Variants in GRM8 observed in about 807,000 individuals in gnomAD.
GRM8 encodes the protein metabotropic glutamate receptor 8.
Under a neutral mutation model 87.2 loss-of-function variants are expected in GRM8, and 47 were observed. That is an observed-to-expected ratio of 0.54 (90% CI 0.43 to 0.69). The LOEUF is 0.69. Ranked by LOEUF, GRM8 falls within the 30% of genes least tolerant of loss-of-function variation. The pLI, the probability that GRM8 is intolerant of heterozygous loss-of-function variation, is 0.00. For synonymous variants in GRM8, 396 were observed against 404.5 expected, an observed-to-expected ratio of 0.98 and a Z score of 0.25; for missense variants, 1,019 against 1,139.2, an observed-to-expected ratio of 0.89 and a Z score of 1.52.
At chr7:127,057,726 T>G (rs1349011320) in intron 3 of GRM8, among the ~76,000 whole-genome samples, 1 of 152,016 alleles carries the variant, frequency 6.6e-6, no homozygotes, top group Non-Finnish European at 1.5e-5. Flanking sequence ...AAATAATTTT[T>G]AACAAATATG....
intron 7 of GRM8, among the ~76,000 whole-genome samples, chr7:126,719,621 A>G (rs1812151571): frequency 6.6e-6 from 1 of 152,176 alleles, no homozygotes; most frequent in Admixed American, 6.5e-5. Flanking sequence ...GACACCTTAC[A>G]GAGGTGTATT....
At chr7:127,157,388 C>A (rs557552160) in intron 2 of GRM8, among the ~76,000 whole-genome samples, 4 of 151,960 alleles carry the variant, frequency 2.6e-5, no homozygotes, top group African/African-American at 9.7e-5. Flanking sequence ...ATCACTTTGG[C>A]AATCTGGTGA....
In GRM8 at chr7:127,084,368, T is replaced by TA. The variant is rs1038781496; in HGVS notation, c.727+22127dup. On this transcript the variant is annotated intron_variant, in intron 3 of 10. Coordinates refer to ENST00000339582, the MANE Select transcript of GRM8 (RefSeq NM_000845.3). Reference sequence around the variant, plus strand: ...AGTTGGAATATTTTAAGAAAATAAGTAAAAATGTAGTCCTCTTGCTATCTC... The same window carrying TA: ...AGTTGGAATATTTTAAGAAAATAAGTAAAAAATGTAGTCCTCTTGCTATCTC... The TA allele has an allele frequency of 3.5e-4, 53 of 152,236 alleles. 1 individual carries two copies. The highest frequency in any genetic ancestry group is 1.3e-3 in the African/African-American group (52 of 41,548). The allele number at this position is 152,236 out of a possible 1,614,324, so 9.4% of individuals were successfully genotyped here.
intron 6 of GRM8, among the ~76,000 whole-genome samples, chr7:126,840,710 GTA>G: frequency 6.6e-6 from 1 of 152,056 alleles, no homozygotes; most frequent in East Asian, 1.9e-4. Flanking sequence ...AATGAACTTT[GTA>G]TAAGTTTCTA....
intron 3 of GRM8, among the ~76,000 whole-genome samples, chr7:127,039,430 T>C (rs1200279468): frequency 6.6e-6 from 1 of 152,052 alleles, no homozygotes; most frequent in African/African-American, 2.4e-5. Flanking sequence ...CTCAGGCTTT[T>C]AACATCCAGA....
chr7:126,644,618 T>TATACAGAA (rs1405528802), intron 7 of GRM8, among the ~76,000 whole-genome samples: 2 of 152,212 alleles, frequency 1.3e-5, no homozygotes, highest in African/African-American at 4.8e-5. Flanking sequence ...TCTGGAAGAC[T>TATACAGAA]GTATATACAG....
chr7:126,888,344 G>T (rs1800692154), intron 6 of GRM8, among the ~76,000 whole-genome samples: 3 of 152,052 alleles, frequency 2.0e-5, no homozygotes, highest in Admixed American at 2.0e-4. Context: ...TAGAGTCAAT[G>T]AGAAAGCCTC....
intron 8 of GRM8, among the ~76,000 whole-genome samples, chr7:126,588,406 G>A (rs1018760667): frequency 3.3e-5 from 5 of 152,300 alleles, no homozygotes; most frequent in African/African-American, 1.2e-4. Flanking sequence ...AATTCTCAAA[G>A]AACTAAGAGT....
chr7:126,457,518 T>C (rs1803392317), intron 9 of GRM8, among the ~76,000 whole-genome samples: 1 of 151,374 alleles, frequency 6.6e-6, no homozygotes, highest in African/African-American at 2.4e-5. Context: ...TGAAATCAGA[T>C]TAGAAAATAG....
At chr7:126,839,196 A>G (rs1774825203) in intron 6 of GRM8, among the ~76,000 whole-genome samples, 2 of 152,172 alleles carry the variant, frequency 1.3e-5, no homozygotes, top group African/African-American at 4.8e-5. Flanking sequence ...GCATTATTAT[A>G]TTCAGTTGAT....
chr7:127,130,753 G>A (rs187680856), intron 2 of GRM8, among the ~76,000 whole-genome samples: 400 of 152,244 alleles, frequency 2.6e-3, no homozygotes, highest in African/African-American at 8.8e-3. Context: ...GGAGGGACCT[G>A]GTGGAAGGTG....
At chr7:127,020,232 A>T (rs936551670) in intron 3 of GRM8, among the ~76,000 whole-genome samples, 3 of 152,124 alleles carry the variant, frequency 2.0e-5, no homozygotes, top group Non-Finnish European at 4.4e-5. Flanking sequence ...ATGCTAGAAA[A>T]GAACTTTCAG....
intron 2 of GRM8, among the ~76,000 whole-genome samples, chr7:127,129,867 C>A (rs868649116): frequency 3.9e-5 from 6 of 152,142 alleles, no homozygotes; most frequent in African/African-American, 1.4e-4. Flanking sequence ...TGAGTCATTT[C>A]TCAGTAATAG....
intron 7 of GRM8, among the ~76,000 whole-genome samples, chr7:126,648,697 G>A (rs1323351864): frequency 6.6e-6 from 1 of 152,188 alleles, no homozygotes; most frequent in Non-Finnish European, 1.5e-5. Context: ...ATACCAACAA[G>A]TTGCATATCT....
At chr7:126,644,754 A>G (rs1361986) in intron 7 of GRM8, among the ~76,000 whole-genome samples, 104,488 of 152,166 alleles carry the variant, frequency 0.69, 36,418 homozygotes, top group Non-Finnish European at 0.73. Context: ...ATAACTGGAT[A>G]TTGTCTGCAG....
intron 6 of GRM8, among the ~76,000 whole-genome samples, chr7:126,889,401 T>TA (rs1800786645): frequency 6.6e-6 from 1 of 152,174 alleles, no homozygotes; most frequent in South Asian, 2.1e-4. Flanking sequence ...GTCCAGTTGA[T>TA]AAAACTTCCA....
chr7:126,746,901 T>C (rs1475649788), intron 7 of GRM8, among the ~76,000 whole-genome samples: 1 of 151,912 alleles, frequency 6.6e-6, no homozygotes, highest in East Asian at 1.9e-4. Flanking sequence ...TCTATGTAGT[T>C]TATAATGACT....
chr7:126,911,779 C>T (rs1406019302), intron 3 of GRM8, among the ~76,000 whole-genome samples: 2 of 152,168 alleles, frequency 1.3e-5, no homozygotes, highest in Admixed American at 1.3e-4. Flanking sequence ...TGCTTTAAAA[C>T]AGGCCACAAA....
At chr7:126,477,023 G>A (rs867969187) in intron 9 of GRM8, among the ~76,000 whole-genome samples, 1 of 151,998 alleles carries the variant, frequency 6.6e-6, no homozygotes, top group South Asian at 2.1e-4. Context: ...TTAAAAGTGA[G>A]ATATATTCAA....
Sources: gnomAD v4.1 joint callset for allele counts (sites outside exome capture counted in the v4.1 genomes callset) on GRCh38, gnomAD v4.1.1 for gene constraint, MANE v1.5 for transcripts, NCBI Gene and HGNC (gene_info 2026-07-23, HGNC 2026-07-21) for gene names.